Variants in DRC8 observed in about 807,000 individuals in gnomAD.
The protein encoded by DRC8 is dynein regulatory complex subunit 8, also known as dynein regulatory complex protein 8.
At chr1:244,974,102 G>A in the DRC8 span, among the ~76,000 whole-genome samples, 1 of 152,158 alleles carries the variant, frequency 6.6e-6, no homozygotes, top group Non-Finnish European at 1.5e-5. Context: ...ATTTTTGAAG[G>A]TTTATTATTT....
the DRC8 span, among the ~76,000 whole-genome samples, chr1:245,018,252 A>G: frequency 6.6e-6 from 1 of 151,112 alleles, no homozygotes; most frequent in South Asian, 2.1e-4. Flanking sequence ...AAAAAAGGCA[A>G]TGAAACCATC....
the DRC8 span, among the ~76,000 whole-genome samples, chr1:244,983,759 A>AAAG: frequency 6.6e-6 from 1 of 151,214 alleles, no homozygotes; most frequent in Non-Finnish European, 1.5e-5. Flanking sequence ...AAAAAAAAAA[A>AAAG]GTAACCGGAA....
chr1:245,066,157 C>G, the DRC8 span, among the ~76,000 whole-genome samples: 1 of 151,974 alleles, frequency 6.6e-6, no homozygotes, highest in South Asian at 2.1e-4. Context: ...CCTATTCTTC[C>G]TAAGTAGGTG....
the DRC8 span, among the ~76,000 whole-genome samples, chr1:245,082,631 A>G: frequency 6.6e-6 from 1 of 152,218 alleles, no homozygotes; most frequent in Non-Finnish European, 1.5e-5. Context: ...TTTCATATCC[A>G]GAAATCCAAA....
At chr1:245,096,967 C>T in the DRC8 span, among the ~76,000 whole-genome samples, 1 of 152,102 alleles carries the variant, frequency 6.6e-6, no homozygotes. Flanking sequence ...GCACACAGGG[C>T]TTAGTAAGTG....
At chr1:244,972,824 A>C in the DRC8 span, among the ~76,000 whole-genome samples, 2 of 152,008 alleles carry the variant, frequency 1.3e-5, no homozygotes, top group South Asian at 4.1e-4. Context: ...TCAAAAAAAA[A>C]AAAAAACAAA....
chr1:245,032,795 A>G, the DRC8 span, among the ~76,000 whole-genome samples: 94 of 152,058 alleles, frequency 6.2e-4, no homozygotes, highest in Non-Finnish European at 1.2e-3. Flanking sequence ...AGGATCCTGG[A>G]TTTCATTGTG....
the DRC8 span, among the ~76,000 whole-genome samples, chr1:244,986,069 C>T: frequency 1.3e-5 from 2 of 151,620 alleles, no homozygotes; most frequent in East Asian, 2.0e-4. Flanking sequence ...GATTCTTATG[C>T]CTCAGCCTCC....
At chr1:244,972,373 G>A in the DRC8 span, among the ~76,000 whole-genome samples, 1 of 152,232 alleles carries the variant, frequency 6.6e-6, no homozygotes, top group Non-Finnish European at 1.5e-5. Flanking sequence ...GGAGGAAATA[G>A]TTAACTGGGC....
At chr1:245,100,005 A>G in the DRC8 span, among the ~76,000 whole-genome samples, 1 of 152,106 alleles carries the variant, frequency 6.6e-6, no homozygotes, top group Non-Finnish European at 1.5e-5. Flanking sequence ...TTTATTCATA[A>G]TTTTTTTCAG....
the DRC8 span, among the ~76,000 whole-genome samples, chr1:245,067,774 T>C: frequency 6.6e-6 from 1 of 152,202 alleles, no homozygotes; most frequent in Non-Finnish European, 1.5e-5. Flanking sequence ...TTACATCGTT[T>C]GGAATTTGAC....
chr1:245,005,248 T>C, the DRC8 span, among the ~76,000 whole-genome samples: 96 of 149,490 alleles, frequency 6.4e-4, no homozygotes, highest in Non-Finnish European at 1.2e-3. Context: ...CTCAGTTTTG[T>C]TTTTTTTTTA....
the DRC8 span, among the ~76,000 whole-genome samples, chr1:244,985,076 G>GTTTTT: frequency 6.2e-3 from 814 of 130,642 alleles, 23 homozygotes; most frequent in African/African-American, 0.024. Context: ...TGTCTCCAGG[G>GTTTTT]TTTTTTTTTT....
chr1:245,098,853 G>A, the DRC8 span, among the ~76,000 whole-genome samples: 5 of 152,212 alleles, frequency 3.3e-5, no homozygotes, highest in Non-Finnish European at 7.3e-5. Flanking sequence ...AACGGAGTTC[G>A]ATCCAGCGGA....
the DRC8 span, among the ~76,000 whole-genome samples, chr1:245,015,553 AC>A: frequency 6.6e-6 from 1 of 152,036 alleles, no homozygotes; most frequent in East Asian, 1.9e-4. Flanking sequence ...TACTAAAAAT[AC>A]AAAAAATTAG....
chr1:245,053,658 ATAT>A, the DRC8 span, among the ~76,000 whole-genome samples: 1 of 152,170 alleles, frequency 6.6e-6, no homozygotes, highest in African/African-American at 2.4e-5. Context: ...TTTTTTTCTT[ATAT>A]CATCAGGCCT....
At chr1:245,087,438 G>A in the DRC8 span, 6 of 1,485,130 alleles carry the variant, frequency 4.0e-6, no homozygotes, top group East Asian at 2.4e-5. Flanking sequence ...TCTTATCTTA[G>A]GATTCCTATA....
chr1:245,008,510 A>G, the DRC8 span, among the ~76,000 whole-genome samples: 2 of 152,148 alleles, frequency 1.3e-5, no homozygotes, highest in Non-Finnish European at 2.9e-5. Context: ...CTGATTTTAA[A>G]AAATCTTTAA....
At chr1:245,063,297 CT>C in the DRC8 span, among the ~76,000 whole-genome samples, 1 of 152,144 alleles carries the variant, frequency 6.6e-6, no homozygotes, top group Non-Finnish European at 1.5e-5. Context: ...AGTGTTAAGT[CT>C]GTGTCCTGAG....
Sources: allele counts gnomAD v4.1 joint callset (sites outside exome capture counted in the v4.1 genomes callset), GRCh38; gene constraint gnomAD v4.1.1; transcripts MANE v1.5; gene names NCBI Gene and HGNC (gene_info 2026-07-23, HGNC 2026-07-21).